MEGF10: variants seen among roughly 807,000 people sequenced by gnomAD.
MEGF10 encodes multiple epidermal growth factor-like domains protein 10.
In MEGF10, 86 loss-of-function variants were observed where a neutral mutation model predicts 147.5. The observed-to-expected ratio is 0.58, with a 90% CI of 0.49 to 0.70. The LOEUF (loss-of-function observed/expected upper bound fraction) is 0.70. Among genes scored for constraint, MEGF10 ranks in the 30% least tolerant of loss-of-function variants. The pLI, the probability that MEGF10 is intolerant of heterozygous loss-of-function variation, is 0.00. For missense variants in MEGF10, 1,329 were observed against 1,487.3 expected (o/e 0.89, Z 1.75); for synonymous variants, 478 against 525.5 (o/e 0.91, Z 1.24).
At chr5:127,242,238 G>T in the MEGF10 span, among the ~76,000 whole-genome samples, 1 of 152,104 alleles carries the variant, frequency 6.6e-6, no homozygotes, top group Non-Finnish European at 1.5e-5. Flanking sequence ...AAGTCATGTC[G>T]TTGCTCTGTA....
intron 1 of MEGF10, among the ~76,000 whole-genome samples, chr5:127,313,553 C>T (rs528139243): frequency 1.3e-5 from 2 of 152,308 alleles, no homozygotes; most frequent in East Asian, 3.9e-4. Flanking sequence ...CATATAAAAA[C>T]AGTACTAACC....
rs1211216548 is a variant in MEGF10, at chr5:127,457,393, G to A, written c.*75G>A. The stretch of plus-strand genomic sequence containing the variant: ...TTGGTTCTTCTCCATCCTCAATTTT[G>A]CCACTTTCATGTGAATGTTAGTCAA... On this transcript the variant is annotated 3_prime_UTR_variant, in exon 25 of 25. Transcript: ENST00000503335. 11 of 1,481,676 alleles carry A rather than the reference G, an allele frequency of 7.4e-6. No homozygotes were observed. The East Asian group carries it at 2.1e-4, about 28-fold the overall frequency. The allele number at this position is 1,481,676 out of a possible 1,614,324, so 91.8% of individuals were successfully genotyped here. A position where few individuals can be genotyped will look rare whatever the true frequency, so the allele number is the denominator to read the frequency against.
At chr5:127,294,453 A>G (rs1046259517) in intron 1 of MEGF10, among the ~76,000 whole-genome samples, 7 of 152,204 alleles carry the variant, frequency 4.6e-5, no homozygotes, top group African/African-American at 1.7e-4. Context: ...GAGGGTGTGG[A>G]AAAGCCAGTT....
chr5:127,420,786 G>T (rs1764967241), intron 12 of MEGF10, among the ~76,000 whole-genome samples: 1 of 152,148 alleles, frequency 6.6e-6, no homozygotes, highest in South Asian at 2.1e-4. Flanking sequence ...TCTACCTCAA[G>T]CTGTCAGGGA....
At chr5:127,325,052 C>T (rs549532386) in intron 1 of MEGF10, among the ~76,000 whole-genome samples, 1 of 152,156 alleles carries the variant, frequency 6.6e-6, no homozygotes, top group Non-Finnish European at 1.5e-5. Flanking sequence ...TCTCAGTATT[C>T]CCTGCATGGG....
chr5:127,433,641 G>C (rs1236896023), intron 14 of MEGF10, 132 bp downstream of exon 14: 1 of 1,100,542 alleles, frequency 9.1e-7, no homozygotes, highest in Non-Finnish European at 1.3e-6. Context: ...GAGTGTAATG[G>C]TTCACTTGTC....
intron 5 of MEGF10, among the ~76,000 whole-genome samples, chr5:127,374,095 T>C (rs1309361219): frequency 6.6e-5 from 10 of 152,360 alleles, no homozygotes; most frequent in Admixed American, 6.5e-4. Context: ...AAGCTGTCCG[T>C]GCTGCAAGAG....
At chr5:127,337,498 G>A (rs1010908145) in intron 2 of MEGF10, among the ~76,000 whole-genome samples, 8 of 152,006 alleles carry the variant, frequency 5.3e-5, no homozygotes, top group Admixed American at 6.6e-5. Context: ...TCAGGACACC[G>A]CTAGGGTTCT....
At chr5:127,247,381 A>G in the MEGF10 span, among the ~76,000 whole-genome samples, 1,424 of 18,152 alleles carry the variant, frequency 0.078, 141 homozygotes, top group Middle Eastern at 0.16. Context: ...GAAGAAGAAG[A>G]AGAAGAAGAA....
chr5:127,347,677 T>G (rs1195883120), intron 4 of MEGF10, among the ~76,000 whole-genome samples: 1 of 152,066 alleles, frequency 6.6e-6, no homozygotes. Flanking sequence ...ACATGACCAA[T>G]GTATAGTTTT....
chr5:127,361,453 T>C (rs1240681417), intron 4 of MEGF10, among the ~76,000 whole-genome samples: 1 of 152,052 alleles, frequency 6.6e-6, no homozygotes, highest in Non-Finnish European at 1.5e-5. Context: ...TCCGTTTTGC[T>C]GATCTTCTCA....
intron 4 of MEGF10, among the ~76,000 whole-genome samples, chr5:127,346,540 C>G (rs1761901930): frequency 6.6e-6 from 1 of 152,060 alleles, no homozygotes. Context: ...CCTTAGCCCA[C>G]TTTTTGATGG....
At chr5:127,371,278 G>A (rs1172467008) in intron 5 of MEGF10, among the ~76,000 whole-genome samples, 1 of 150,606 alleles carries the variant, frequency 6.6e-6, no homozygotes, top group Non-Finnish European at 1.5e-5. Flanking sequence ...CTCAATTCCA[G>A]GGGAAAACTG....
the MEGF10 span, among the ~76,000 whole-genome samples, chr5:127,233,755 G>A: frequency 6.6e-6 from 1 of 152,164 alleles, no homozygotes; most frequent in Non-Finnish European, 1.5e-5. Flanking sequence ...CTTACCGGGA[G>A]CTCATTTGTC....
the MEGF10 span, among the ~76,000 whole-genome samples, chr5:127,281,444 A>C: frequency 3.4e-4 from 52 of 152,286 alleles, no homozygotes; most frequent in African/African-American, 1.2e-3. Flanking sequence ...AGACACTTTC[A>C]GGTTTAAAAA....
intron 4 of MEGF10, among the ~76,000 whole-genome samples, chr5:127,366,161 T>A (rs1455731147): frequency 1.3e-5 from 2 of 152,124 alleles, no homozygotes; most frequent in East Asian, 3.9e-4. Flanking sequence ...CTCTTGGTGG[T>A]GGTGTGGGCG....
chr5:127,326,346 T>G (rs1761031437), intron 1 of MEGF10, among the ~76,000 whole-genome samples: 1 of 152,184 alleles, frequency 6.6e-6, no homozygotes, highest in South Asian at 2.1e-4. Context: ...CATGAAGCCC[T>G]CAAAACAAAG....
At chr5:127,340,394 A>T (rs984744953) in intron 3 of MEGF10, 136 bp from the exon 4 acceptor site, 3 of 569,518 alleles carry the variant, frequency 5.3e-6, no homozygotes, top group Non-Finnish European at 6.1e-6. Flanking sequence ...GGGAATCTTA[A>T]TATCTTCTTA....
In MEGF10 at chr5:127,362,829, C is replaced by T. The variant is rs188666683; in HGVS notation, c.320-7081C>T. 5.9e-5 allele frequency among the ~76,000 whole-genome samples: 9 copies of T among 152,052 alleles called. No individual in the cohort carries two copies. The East Asian group carries it at 1.2e-3, about 20-fold the overall frequency. Reference sequence around the variant, plus strand: ...TAGTTAGATTTGATTTCTTCTTGTCCTGTTTTTTGTTCTCATTTTTCTCTT... The same window carrying T: ...TAGTTAGATTTGATTTCTTCTTGTCTTGTTTTTTGTTCTCATTTTTCTCTT... On this transcript the variant is annotated intron_variant, in intron 4 of 24. Transcript: ENST00000503335.
Sources: allele counts gnomAD v4.1 joint callset (sites outside exome capture counted in the v4.1 genomes callset), GRCh38; gene constraint gnomAD v4.1.1; transcripts MANE v1.5; gene names NCBI Gene and HGNC (gene_info 2026-07-23, HGNC 2026-07-21).